Variants in GPS1 observed in about 807,000 individuals in gnomAD.
The protein encoded by GPS1 is G protein pathway suppressor 1.
Under a neutral mutation model 60.0 loss-of-function variants are expected in GPS1, and 11 were observed. The observed-to-expected ratio is 0.18, with a 90% CI of 0.12 to 0.30. The LOEUF (loss-of-function observed/expected upper bound fraction) is 0.30, where lower values mean the gene tolerates loss of function less well. Ranked by LOEUF, GPS1 falls within the 10% of genes least tolerant of loss-of-function variation. The pLI, the probability that GPS1 is intolerant of heterozygous loss-of-function variation, is 1.00. For missense variants in GPS1, 543 were observed against 669.2 expected, an observed-to-expected ratio of 0.81 and a Z score of 2.08; for synonymous variants, 343 against 269.8, an observed-to-expected ratio of 1.27 and a Z score of -2.66.
At chr17:82,052,333 G>A in intron 1 of GPS1, 1 of 1,612,942 alleles carries the variant, frequency 6.2e-7, no homozygotes, top group Non-Finnish European at 8.5e-7. Context: ...CCCCCAGCTC[G>A]GCCTCCTCGT....
chr17:82,051,641 G>A (rs2030630888), upstream of GPS1: 2 of 1,086,676 alleles, frequency 1.8e-6, no homozygotes, highest in Non-Finnish European at 1.1e-6. This position sits in a 1 kb window ranked among gnomAD's most constrained non-coding sequence, Gnocchi z 4.1. Context: ...GCGCGCGCGG[G>A]GCCGGGGCGG....
Position 82,055,845 on chromosome 17 carries a change from C to T in GPS1, c.834+20C>T. On this transcript the variant is annotated intron_variant, in intron 7 of 12. Coordinates refer to ENST00000578552, the MANE Select transcript of GPS1 (RefSeq NM_001321092.3). Reference sequence around the variant, plus strand: ...CCTGAGGTGAGGAGCCCTCTGGGGACTTGGGAGGCAGAGCATGGGCTCATG... The same window carrying T: ...CCTGAGGTGAGGAGCCCTCTGGGGATTTGGGAGGCAGAGCATGGGCTCATG... The T allele has an allele frequency of 3.9e-6, 6 of 1,550,422 alleles. No homozygotes were observed. The highest frequency in any genetic ancestry group is 1.4e-5 in the African/African-American group (1 of 73,468).
chr17:82,053,707 C>CT (rs2031725962), intron 2 of GPS1, 161 bp from the exon 3 acceptor site: 1 of 716,904 alleles, frequency 1.4e-6, no homozygotes, highest in Admixed American at 3.1e-5. Context: ...TTCGTAGCTC[C>CT]TGGGACAGCA....
At chr17:82,053,570 A>T in intron 2 of GPS1, 1 of 519,974 alleles carries the variant, frequency 1.9e-6, no homozygotes, top group Non-Finnish European at 3.3e-6. Context: ...CTCATGGAGA[A>T]GCCAGGGCAG....
At chr17:82,054,423 T>G in intron 3 of GPS1, 87 bp from the exon 4 acceptor site, 2 of 1,430,952 alleles carry the variant, frequency 1.4e-6, no homozygotes, top group Non-Finnish European at 1.8e-6. Flanking sequence ...GGTTGGGCCT[T>G]TGAGGGCAGC....
rs375800149 is a variant in GPS1 at position 82,056,746 on chromosome 17, C to T, written c.1234C>T (p.Arg412Cys). ...QLILEGLISA[R>C]VDSHSKILYA... ...AATCCTGGAGGGGCTGATCAGTGCCCGTGTGGACTCACACAGCAAGGTGGC... is the reference window on the plus strand; with the variant it reads ...AATCCTGGAGGGGCTGATCAGTGCCTGTGTGGACTCACACAGCAAGGTGGC... Residue 412 changes from arginine to cysteine, a missense_variant, in exon 11 of 13, where the codon CGT (arginine) becomes TGT (cysteine). By Grantham distance (180) the Arg-to-Cys change is radical. Coordinates refer to ENST00000578552, the MANE Select transcript of GPS1 (RefSeq NM_001321092.3). 3.9e-4 allele frequency: 613 copies of T among 1,588,914 alleles called. No homozygotes were observed. Among genetic ancestry groups the T allele is most frequent in the Non-Finnish European group, 4.6e-4 (532 of 1,166,906 alleles).
intron 11 of GPS1, 26 bp downstream of exon 11, chr17:82,056,792 G>C: frequency 1.2e-6 from 2 of 1,605,674 alleles, no homozygotes; most frequent in Non-Finnish European, 8.5e-7. Flanking sequence ...GGGGCGGTGG[G>C]GGCAGCTGGG....
At chr17:82,053,719 T>G (rs2031733451) in intron 2 of GPS1, 149 bp from the exon 3 acceptor site, 2 of 751,148 alleles carry the variant, frequency 2.7e-6, no homozygotes, top group African/African-American at 3.6e-5. Context: ...GGGACAGCAG[T>G]CAGTCTCGTA....
chr17:82,055,058 C>A, intron 5 of GPS1, 83 bp downstream of exon 5: 4 of 1,589,170 alleles, frequency 2.5e-6, no homozygotes, highest in Non-Finnish European at 3.4e-6. Flanking sequence ...CCTCATTCTC[C>A]CCCAGATCTG....
intron 6 of GPS1, chr17:82,055,496 C>G: frequency 1.6e-6 from 1 of 606,502 alleles, no homozygotes; most frequent in Non-Finnish European, 2.9e-6. Context: ...CCTTTGCAGC[C>G]CTGCTAGCAC....
In GPS1 at chr17:82,054,037, C is replaced by T; in HGVS notation, c.296C>T (p.Ser99Leu). Residue 99 changes from serine (S) to leucine (L), a missense_variant, in exon 3 of 13, where the codon TCA (serine) becomes TTA (leucine). Coordinates refer to ENST00000578552, the MANE Select transcript of GPS1 (RefSeq NM_001321092.3). ...TACGAGGAGATCCACCGCAAGCTCT[C>T]AGAGGCCACCAGGTGAGGCCAGGGG... ...DMYEEIHRKL[S>L]EATRELQNAP... 6.2e-7 allele frequency: 1 copy of T among 1,610,260 alleles called. No homozygotes were observed. The highest frequency in any genetic ancestry group is 8.5e-7 in the Non-Finnish European group (1 of 1,178,410).
At chr17:82,051,125 C>G, upstream of GPS1, 1 of 1,328,396 alleles carries the variant, frequency 7.5e-7, no homozygotes, top group Non-Finnish European at 9.6e-7. This position sits in a 1 kb window ranked among gnomAD's most constrained non-coding sequence, Gnocchi z 4.1. Context: ...GCTTGGCTGG[C>G]AGGGTGGGCC....
chr17:82,051,014 G>C (rs1367926803), upstream of GPS1: 18 of 1,403,364 alleles, frequency 1.3e-5, no homozygotes, highest in Non-Finnish European at 1.7e-5. This position sits in a 1 kb window ranked among gnomAD's most constrained non-coding sequence, Gnocchi z 4.1. Context: ...GCCCTGACCT[G>C]GCCTGGAAGG....
At chr17:82,055,248 G>T in intron 6 of GPS1, 26 bp downstream of exon 6, 1 of 1,550,424 alleles carries the variant, frequency 6.4e-7, no homozygotes. Flanking sequence ...ACGCCCAGCT[G>T]ACCCCACGTT....
At chr17:82,051,471 C>T, upstream of GPS1, 1 of 1,349,034 alleles carries the variant, frequency 7.4e-7, no homozygotes, top group Non-Finnish European at 9.5e-7. The surrounding 1 kb of genome is among the most constrained non-coding windows in gnomAD (Gnocchi z 4.1). Context: ...GGGCGTGGGG[C>T]TCGCCGTCGG....
chr17:82,051,199 GA>G, upstream of GPS1: 1 of 1,307,964 alleles, frequency 7.6e-7, no homozygotes, highest in African/African-American at 1.5e-5. The surrounding 1 kb of genome is among the most constrained non-coding windows in gnomAD (Gnocchi z 4.1). Context: ...CCTGGGCAGA[GA>G]AAGGCACCCA....
At chr17:82,052,490 G>T (rs778320214) in intron 1 of GPS1, 2 of 1,599,052 alleles carry the variant, frequency 1.3e-6, no homozygotes, top group Non-Finnish European at 1.7e-6. Context: ...CCCCGAGCGA[G>T]GGAGGGGGGA....
chr17:82,055,773 A>T lies in GPS1; in HGVS notation c.782A>T (p.Gln261Leu), dbSNP rs1043566272. Residue 261 changes from glutamine (Q) to leucine (L), a missense_variant, in exon 7 of 13, where the codon CAG becomes CTG. Gln to Leu is a moderately radical substitution (Grantham distance 113). Transcript: ENST00000578552. ...LAELAARKYK[Q>L]AAKCLLLASF... is the part of the protein sequence containing the mutation. The stretch of plus-strand genomic sequence containing the variant: ...GAGCTGGCCGCCAGGAAGTACAAGC[A>T]GGCTGCCAAGTGCCTCCTGCTGGCT... 1 of 1,562,570 alleles carries T rather than the reference A, an allele frequency of 6.4e-7. No homozygotes were observed. The highest frequency in any genetic ancestry group is 2.4e-5 in the East Asian group (1 of 42,292).
At chr17:82,052,523 T>C (rs1488309122) in intron 1 of GPS1, 5 of 1,553,838 alleles carry the variant, frequency 3.2e-6, no homozygotes, top group Non-Finnish European at 4.4e-6. Context: ...CCGCCCCTGC[T>C]GTGGCTGGGC....
Sources: allele counts gnomAD v4.1 joint callset, GRCh38; gene constraint gnomAD v4.1.1; non-coding constraint Gnocchi (gnomAD v3.1); transcripts MANE v1.5; gene names NCBI Gene and HGNC (gene_info 2026-07-23, HGNC 2026-07-21).